Variants in DMRT1 observed in about 807,000 individuals in gnomAD.
The protein encoded by DMRT1 is doublesex and mab-3 related transcription factor 1, also known as doublesex- and mab-3-related transcription factor 1.
Under a neutral mutation model 32.3 loss-of-function variants are expected in DMRT1, and 7 were observed. The observed-to-expected ratio is 0.22, with a 90% CI of 0.12 to 0.41. DMRT1 has a LOEUF of 0.41. Ranked by LOEUF, DMRT1 falls within the 10% of genes least tolerant of loss-of-function variation. DMRT1 has a pLI of 1.00. For synonymous variants in DMRT1, 278 were observed against 206.1 expected (o/e 1.35, Z -2.99); for missense variants, 625 against 500.5 (o/e 1.25, Z -2.37).
At position 897,703 on chromosome 9, in the gene DMRT1, A is replaced by C. The variant is rs894163660; in HGVS notation, c.822+3508A>C. Among the ~76,000 whole-genome samples, 8 of 152,270 alleles carry C rather than the reference A, an allele frequency of 5.3e-5. No homozygotes were observed. The East Asian group carries it at 1.5e-3, about 29-fold the overall frequency. ...TGTTTTAAAATCATGTTTGTTCATT[A>C]TAACTGTCTCCTGAGAGCCACCGCG... On this transcript the variant is annotated intron_variant, in intron 3 of 4. Transcript: ENST00000382276.
intron 4 of DMRT1, among the ~76,000 whole-genome samples, chr9:941,328 C>T (rs556251792): frequency 9.0e-4 from 112 of 123,836 alleles, no homozygotes; most frequent in African/African-American, 4.3e-3. Flanking sequence ...CACACACCCC[C>T]TCCCCCCCCC....
At chr9:896,506 T>G (rs1817369417) in intron 3 of DMRT1, among the ~76,000 whole-genome samples, 1 of 151,912 alleles carries the variant, frequency 6.6e-6, no homozygotes, top group Non-Finnish European at 1.5e-5. Flanking sequence ...TCTGATTCTG[T>G]GAGGTTGACT....
intron 4 of DMRT1, among the ~76,000 whole-genome samples, chr9:926,341 T>C (rs192872917): frequency 2.2e-4 from 33 of 152,338 alleles, no homozygotes; most frequent in Admixed American, 7.2e-4. Flanking sequence ...AATCACAAAA[T>C]TTAACTAGTG....
At chr9:883,824 G>C (rs555255320) in intron 2 of DMRT1, among the ~76,000 whole-genome samples, 78 of 151,660 alleles carry the variant, frequency 5.1e-4, no homozygotes, top group Middle Eastern at 6.8e-3. Flanking sequence ...AACAACTTAC[G>C]CTTTTGCTAT....
intron 2 of DMRT1, among the ~76,000 whole-genome samples, chr9:883,432 G>C (rs542272866): frequency 6.6e-6 from 1 of 152,078 alleles, no homozygotes; most frequent in Admixed American, 6.5e-5. Context: ...GAGCATCCCA[G>C]TGCCATGAAA....
At chr9:850,183 A>G (rs1486052491) in intron 2 of DMRT1, among the ~76,000 whole-genome samples, 1 of 152,208 alleles carries the variant, frequency 6.6e-6, no homozygotes, top group East Asian at 1.9e-4. Flanking sequence ...GCTGTCATTC[A>G]TGGGATTTGC....
rs780876338 is a variant in DMRT1, at chr9:968,037, C to T, written c.1020C>T (p.Ser340=). The change falls in exon 5 of 5, where the codon AGC becomes AGT. Residue 340 remains serine (S), a synonymous_variant. Transcript: ENST00000382276. ...QDSGLVSLSS[S]SPISNKSTKA... is the part of the protein sequence containing the mutation. ...CTGGCTTGGTTTCCCTCTCGAGCAG[C>T]TCTCCTATTAGTAACAAGAGCACAA... 6 of 1,614,052 alleles carry T rather than the reference C, an allele frequency of 3.7e-6. No homozygotes were observed. The highest frequency in any genetic ancestry group is 1.7e-5 in the Admixed American group (1 of 60,010).
intron 2 of DMRT1, among the ~76,000 whole-genome samples, chr9:877,600 C>A (rs1459490279): frequency 6.6e-6 from 1 of 152,184 alleles, no homozygotes; most frequent in Non-Finnish European, 1.5e-5. Context: ...GAACAGAACT[C>A]CTCCTCCCAT....
intron 3 of DMRT1, among the ~76,000 whole-genome samples, chr9:900,609 T>C (rs557134719): frequency 2.2e-4 from 33 of 151,860 alleles, no homozygotes; most frequent in Non-Finnish European, 2.9e-5. Flanking sequence ...CAAATATGAT[T>C]TTAAAATACT....
chr9:919,042 C>T (rs1466434635), intron 4 of DMRT1, among the ~76,000 whole-genome samples: 2 of 152,080 alleles, frequency 1.3e-5, no homozygotes, highest in African/African-American at 2.4e-5. Context: ...AGGCTAGAGA[C>T]AGGAAATGAT....
intron 4 of DMRT1, among the ~76,000 whole-genome samples, chr9:954,087 G>A (rs1023516081): frequency 6.6e-6 from 1 of 152,120 alleles, no homozygotes; most frequent in Non-Finnish European, 1.5e-5. Flanking sequence ...CAGCATCAAA[G>A]GCAGGGGACC....
chr9:841,826 T>C lies in DMRT1; in HGVS notation c.-13T>C. ...GAGGGGGCCAGAGTGCTCGCACTTC[T>C]CCTAGGGGCACCATGCCCAACGACG... is the stretch of plus-strand genomic sequence containing the variant. On this transcript the variant is annotated 5_prime_UTR_variant, in exon 1 of 5. Transcript: ENST00000382276. 2 of 1,605,644 alleles carry C rather than the reference T, an allele frequency of 1.2e-6. No individual in the cohort carries two copies. The highest frequency in any genetic ancestry group is 2.2e-5 in the East Asian group (1 of 44,610).
At chr9:881,861 C>T (rs1816747158) in intron 2 of DMRT1, among the ~76,000 whole-genome samples, 1 of 152,220 alleles carries the variant, frequency 6.6e-6, no homozygotes, top group African/African-American at 2.4e-5. Context: ...CAACCTGCTC[C>T]TCCAATCCGC....
intron 4 of DMRT1, among the ~76,000 whole-genome samples, chr9:947,518 C>A (rs1007396826): frequency 1.3e-5 from 2 of 152,204 alleles, no homozygotes; most frequent in African/African-American, 4.8e-5. Flanking sequence ...GAGCAGGCAC[C>A]AAACCTTTAG....
At chr9:855,765 G>C (rs924887378) in intron 2 of DMRT1, among the ~76,000 whole-genome samples, 4 of 152,090 alleles carry the variant, frequency 2.6e-5, no homozygotes, top group Non-Finnish European at 4.4e-5. Flanking sequence ...CTACAGGCAC[G>C]TGCCACCACT....
chr9:938,083 A>G (rs1397489680), intron 4 of DMRT1, among the ~76,000 whole-genome samples: 1 of 152,110 alleles, frequency 6.6e-6, no homozygotes, highest in East Asian at 1.9e-4. Context: ...TTTTCCCAAC[A>G]TTGTTTATTG....
intron 2 of DMRT1, among the ~76,000 whole-genome samples, chr9:893,498 T>C (rs1365950923): frequency 2.0e-5 from 3 of 152,268 alleles, no homozygotes; most frequent in Non-Finnish European, 4.4e-5. Flanking sequence ...TAAATTCACC[T>C]AAACTCTTGG....
At chr9:904,857 G>A (rs572594951) in intron 3 of DMRT1, among the ~76,000 whole-genome samples, 3 of 151,420 alleles carry the variant, frequency 2.0e-5, no homozygotes, top group Non-Finnish European at 4.4e-5. Context: ...CAGGAGAATC[G>A]CTTGGACCAG....
chr9:892,254 A>G (rs967970620), intron 2 of DMRT1, among the ~76,000 whole-genome samples: 5 of 151,994 alleles, frequency 3.3e-5, no homozygotes, highest in African/African-American at 1.2e-4. Context: ...TCTGTTTTTC[A>G]CGCTCCAGGT....
Sources: gnomAD v4.1 joint callset for allele counts (sites outside exome capture counted in the v4.1 genomes callset) on GRCh38, gnomAD v4.1.1 for gene constraint, MANE v1.5 for transcripts, NCBI Gene and HGNC (gene_info 2026-07-23, HGNC 2026-07-21) for gene names.